Variants in SNTB1 observed in about 807,000 individuals in gnomAD.
SNTB1 encodes syntrophin beta 1.
A neutral mutation model predicts 48.9 loss-of-function variants in SNTB1; 36 were observed. That is an observed-to-expected ratio of 0.74 (90% CI 0.56 to 0.97). The LOEUF (loss-of-function observed/expected upper bound fraction) is 0.97, where lower values mean the gene tolerates loss of function less well. Among genes scored for constraint, SNTB1 ranks in the 50% least tolerant of loss-of-function variants. The pLI is 0.00. For missense variants in SNTB1, 786 were observed against 703.4 expected (o/e 1.12, Z -1.33); for synonymous variants, 299 against 294.6 (o/e 1.01, Z -0.15).
intron 1 of SNTB1, among the ~76,000 whole-genome samples, chr8:120,708,497 A>T (rs940807977): frequency 3.3e-5 from 5 of 152,086 alleles, no homozygotes; most frequent in Admixed American, 2.6e-4. Flanking sequence ...GTCATGGAAA[A>T]TTTTTAAAAG....
intron 5 of SNTB1, among the ~76,000 whole-genome samples, chr8:120,543,764 G>A (rs1252490096): frequency 6.6e-6 from 1 of 152,058 alleles, no homozygotes; most frequent in Non-Finnish European, 1.5e-5. Context: ...TAAAACATAT[G>A]CCCCTTCTCC....
intron 4 of SNTB1, chr8:120,571,008 G>A (rs1815833198): frequency 3.5e-6 from 1 of 289,460 alleles, no homozygotes; most frequent in Non-Finnish European, 6.3e-6. Context: ...AGGTTCACAA[G>A]TTTGAATTTT....
chr8:120,566,420 A>G (rs1479909605), intron 4 of SNTB1, among the ~76,000 whole-genome samples: 5 of 151,928 alleles, frequency 3.3e-5, no homozygotes. Context: ...GAACACAGCA[A>G]CAGGCTCCAT....
At chr8:120,756,933 G>A (rs116278705) in intron 1 of SNTB1, among the ~76,000 whole-genome samples, 3,607 of 152,260 alleles carry the variant, frequency 0.024, 141 homozygotes, top group African/African-American at 0.082. Context: ...GGCTTTGCCA[G>A]GATAGGAAGA....
intron 3 of SNTB1, among the ~76,000 whole-genome samples, chr8:120,626,165 A>G (rs1477760709): frequency 6.6e-6 from 1 of 152,126 alleles, no homozygotes; most frequent in Non-Finnish European, 1.5e-5. Context: ...GGAACTGAAA[A>G]TTAATGGTGA....
intron 3 of SNTB1, among the ~76,000 whole-genome samples, chr8:120,592,664 T>C (rs1466356816): frequency 6.6e-6 from 1 of 152,146 alleles, no homozygotes; most frequent in African/African-American, 2.4e-5. Flanking sequence ...CAGATGGAGC[T>C]TTTAGGCTGG....
chr8:120,663,361 A>C (rs1817623110), intron 2 of SNTB1, among the ~76,000 whole-genome samples: 1 of 152,208 alleles, frequency 6.6e-6, no homozygotes, highest in Admixed American at 6.5e-5. Flanking sequence ...TGAGGAAGAG[A>C]CATAAGTATG....
chr8:120,795,562 A>T (rs898969021), intron 1 of SNTB1, among the ~76,000 whole-genome samples: 15 of 152,060 alleles, frequency 9.9e-5, no homozygotes, highest in Non-Finnish European at 1.2e-4. Context: ...CTATTTACTC[A>T]TTTCATACAC....
intron 1 of SNTB1, among the ~76,000 whole-genome samples, chr8:120,781,811 GA>G (rs2130130565): frequency 6.6e-6 from 1 of 152,278 alleles, no homozygotes; most frequent in East Asian, 1.9e-4. Context: ...AGAAGAACAA[GA>G]AAAGTCCTAG....
At chr8:120,726,354 A>G (rs1013530416) in intron 1 of SNTB1, among the ~76,000 whole-genome samples, 3 of 152,134 alleles carry the variant, frequency 2.0e-5, no homozygotes, top group Non-Finnish European at 4.4e-5. Flanking sequence ...TGGGATAAGG[A>G]TTAAATTTGT....
intron 4 of SNTB1, among the ~76,000 whole-genome samples, chr8:120,552,897 T>G (rs963744842): frequency 2.0e-5 from 3 of 151,928 alleles, no homozygotes; most frequent in African/African-American, 7.3e-5. Context: ...TGGTCCCATC[T>G]GGGGGTGATG....
rs920477778 is a variant in SNTB1, at chr8:120,548,779, A to G, written c.1316T>C (p.Ile439Thr). 12 of 1,613,924 alleles carry G rather than the reference A, an allele frequency of 7.4e-6. No homozygotes were observed. Among genetic ancestry groups the G allele is most frequent in the Admixed American group, 1.7e-5 (1 of 60,008 alleles). ...GTACTCACCAGTGCTGATTTCAGCA[A>G]TGAGTTCAGCAGAATTGTGGCAACC... is the stretch of plus-strand genomic sequence containing the variant. ...VQGCHNSAEL[I>T]AEISTACTYK... The change falls in exon 5 of 7, where the codon ATT (isoleucine) becomes ACT (threonine). Residue 439 changes from isoleucine to threonine, a missense_variant. By Grantham distance (89) the Ile-to-Thr change is moderately conservative (BLOSUM62 -1). Transcript: ENST00000517992.
At chr8:120,631,805 T>A (rs1038552603) in intron 3 of SNTB1, among the ~76,000 whole-genome samples, 8 of 152,210 alleles carry the variant, frequency 5.3e-5, no homozygotes, top group African/African-American at 1.9e-4. Flanking sequence ...CCACAGCAGC[T>A]GTCCTCTCTG....
At chr8:120,588,536 T>A (rs1376553564) in intron 3 of SNTB1, among the ~76,000 whole-genome samples, 1 of 152,180 alleles carries the variant, frequency 6.6e-6, no homozygotes, top group African/African-American at 2.4e-5. Flanking sequence ...TAGCCATTTT[T>A]TTTTTTTCCT....
intron 1 of SNTB1, among the ~76,000 whole-genome samples, chr8:120,788,177 C>T (rs1040520862): frequency 6.6e-6 from 1 of 152,038 alleles, no homozygotes; most frequent in African/African-American, 2.4e-5. Flanking sequence ...TGAGCAAATG[C>T]TGGGGGAATT....
intron 2 of SNTB1, among the ~76,000 whole-genome samples, chr8:120,657,742 C>A (rs150570514): frequency 1.3e-5 from 2 of 152,120 alleles, no homozygotes; most frequent in African/African-American, 4.8e-5. Context: ...GAGAAAAATT[C>A]CTTTTCATTT....
At chr8:120,800,774 T>G (rs1413292281) in intron 1 of SNTB1, among the ~76,000 whole-genome samples, 1 of 152,046 alleles carries the variant, frequency 6.6e-6, no homozygotes, top group Non-Finnish European at 1.5e-5. Context: ...GGTTAATAAC[T>G]CTAAGAAATC....
chr8:120,782,818 A>G (rs973546467), intron 1 of SNTB1, among the ~76,000 whole-genome samples: 1 of 152,206 alleles, frequency 6.6e-6, no homozygotes, highest in Admixed American at 6.5e-5. Context: ...AACACACATG[A>G]AAATTTAAAA....
chr8:120,635,855 A>G (rs952868963), intron 2 of SNTB1: 6 of 345,398 alleles, frequency 1.7e-5, no homozygotes, highest in Non-Finnish European at 3.4e-5. Context: ...CATTTTGAAA[A>G]ATAGTTGTAG....
Sources: allele counts gnomAD v4.1 joint callset (sites outside exome capture counted in the v4.1 genomes callset), GRCh38; gene constraint gnomAD v4.1.1; transcripts MANE v1.5; gene names NCBI Gene and HGNC (gene_info 2026-07-23, HGNC 2026-07-21).